Variants in TDRD3 observed in about 807,000 individuals in gnomAD.
The protein encoded by TDRD3 is tudor domain containing 3.
A neutral mutation model predicts 86.7 loss-of-function variants in TDRD3; 45 were observed. The ratio of observed to expected loss-of-function variants is 0.52; its 90% CI spans 0.41 to 0.67. The LOEUF is 0.67. TDRD3 is among the 30% of genes least tolerant of loss of function. The pLI is 0.00. For missense variants in TDRD3, 814 were observed against 889.0 expected (o/e 0.92, Z 1.07); for synonymous variants, 298 against 301.7 (o/e 0.99, Z 0.13).
chr13:60,449,874 C>G (rs994503500), intron 3 of TDRD3, among the ~76,000 whole-genome samples: 1 of 151,994 alleles, frequency 6.6e-6, no homozygotes. Context: ...ACTCCCTTCC[C>G]TAAAGCTATT....
rs963338510 is a variant in TDRD3, at chr13:60,441,523, T to C, written c.126+1751T>C. Among the ~76,000 whole-genome samples the C allele has an allele frequency of 2.0e-5, 3 of 152,330 alleles. No homozygotes were observed. In the East Asian group the frequency reaches 5.8e-4, roughly 29 times the overall value. The stretch of plus-strand genomic sequence containing the variant: ...ACCATTTTGATTAGGGTGAAGCCTA[T>C]ACCAGACAAATCATCTATTTTTCCA... On this transcript the variant is annotated intron_variant, in intron 2 of 13. Coordinates refer to ENST00000377881, the MANE Select transcript of TDRD3 (RefSeq NM_001146070.2).
intron 7 of TDRD3, among the ~76,000 whole-genome samples, chr13:60,490,744 A>T (rs1956568456): frequency 6.6e-6 from 1 of 152,126 alleles, no homozygotes; most frequent in African/African-American, 2.4e-5. Flanking sequence ...GGTAGTGCAG[A>T]GTGGTCAGAT....
intron 1 of TDRD3, among the ~76,000 whole-genome samples, chr13:60,429,013 T>A (rs1193586206): frequency 6.6e-6 from 1 of 152,202 alleles, no homozygotes; most frequent in East Asian, 1.9e-4. Flanking sequence ...GCAGCATTTC[T>A]ATTTCAAAAA....
At chr13:60,563,865 C>T (rs949775858) in intron 12 of TDRD3, among the ~76,000 whole-genome samples, 1 of 152,138 alleles carries the variant, frequency 6.6e-6, no homozygotes, top group African/African-American at 2.4e-5. Context: ...TGTTCTCACT[C>T]CAGATACAGT....
At position 60,534,651 on chromosome 13, in the gene TDRD3, C is replaced by T. The variant is rs555088764; in HGVS notation, c.1993-457C>T. The stretch of plus-strand genomic sequence containing the variant: ...TAGTATATAAGAATTGTTGGCTGGG[C>T]GCAGTGGCTCACACCTTTTATCCCA... On this transcript the variant is annotated intron_variant, in intron 11 of 13. Coordinates refer to ENST00000377881, the MANE Select transcript of TDRD3 (RefSeq NM_001146070.2). Among the ~76,000 whole-genome samples, 7 of 151,868 alleles carry T rather than the reference C, an allele frequency of 4.6e-5. No homozygotes were observed. The South Asian group carries it at 8.3e-4, about 18-fold the overall frequency.
rs918414837 is a variant in TDRD3, at chr13:60,476,649, G to A, written c.496-7126G>A. On this transcript the variant is annotated intron_variant, in intron 5 of 13. Coordinates refer to ENST00000377881, the MANE Select transcript of TDRD3 (RefSeq NM_001146070.2). ...TTGAATCTCTAAATGGCTTTGGATA[G>A]TGTGACCATTTTAATGATATTGGTT... Among the ~76,000 whole-genome samples, 9 of 152,108 alleles carry A rather than the reference G, an allele frequency of 5.9e-5. No individual in the cohort carries two copies. The East Asian group carries it at 1.7e-3, about 29-fold the overall frequency.
At chr13:60,414,296 C>T (rs1954439458) in intron 1 of TDRD3, among the ~76,000 whole-genome samples, 1 of 152,088 alleles carries the variant, frequency 6.6e-6, no homozygotes, top group African/African-American at 2.4e-5. Context: ...TGGGCCAAAT[C>T]TGGCCTGCTA....
intron 8 of TDRD3, among the ~76,000 whole-genome samples, chr13:60,506,787 C>T (rs1410959746): frequency 6.6e-6 from 1 of 152,090 alleles, no homozygotes; most frequent in African/African-American, 2.4e-5. Flanking sequence ...TATGAAGAAA[C>T]TGCATCAGCT....
In TDRD3 at chr13:60,485,878, C is replaced by T. The variant is rs1956423754; in HGVS notation, c.647C>T (p.Pro216Leu). Residue 216 changes from proline (P) to leucine (L), a missense_variant, in exon 7 of 14, where the codon CCT becomes CTT. Coordinates refer to ENST00000377881, the MANE Select transcript of TDRD3 (RefSeq NM_001146070.2). ...KTLQVTMPVK[P>L]TNDNDEFEKQ... Reference sequence around the variant, plus strand: ...TTGCAAGTTACAATGCCTGTCAAACCTACAAATGATAATGATGAATTTGAA... The same window carrying T: ...TTGCAAGTTACAATGCCTGTCAAACTTACAAATGATAATGATGAATTTGAA... 6.2e-7 allele frequency: 1 copy of T among 1,610,704 alleles called. No individual in the cohort carries two copies. Among genetic ancestry groups the T allele is most frequent in the Non-Finnish European group, 8.5e-7 (1 of 1,178,506 alleles).
intron 8 of TDRD3, among the ~76,000 whole-genome samples, chr13:60,496,161 G>A (rs965884550): frequency 6.6e-6 from 1 of 151,146 alleles, no homozygotes; most frequent in South Asian, 2.1e-4. Flanking sequence ...TCCTGTGCTG[G>A]ATGCTTCCTA....
chr13:60,528,334 T>C (rs753507805), intron 10 of TDRD3, 33 bp from the exon 11 acceptor site: 1 of 1,542,078 alleles, frequency 6.5e-7, no homozygotes, highest in African/African-American at 1.4e-5. Context: ...AGTCTTCATC[T>C]TAATTTGCAT....
In TDRD3 at chr13:60,528,641, A is replaced by T; in HGVS notation, c.1416A>T (p.Arg472Ser). Reference protein sequence around the residue: ...VWAEDRIKCDRPYSRYDRTKD... With the variant: ...VWAEDRIKCDSPYSRYDRTKD... Reference sequence around the variant, plus strand: ...CTGAAGACAGAATCAAATGTGATAGACCGTATTCTAGATATGACAGAACTA... The same window carrying T: ...CTGAAGACAGAATCAAATGTGATAGTCCGTATTCTAGATATGACAGAACTA... Residue 472 changes from arginine (R) to serine (S), a missense_variant, in exon 11 of 14, where the codon AGA becomes AGT. Arg to Ser is a moderately radical substitution (Grantham distance 110, BLOSUM62 -1). Transcript: ENST00000377881. The T allele has an allele frequency of 6.2e-7, 1 of 1,613,988 alleles. No homozygotes were observed. Among genetic ancestry groups the T allele is most frequent in the Non-Finnish European group, 8.5e-7 (1 of 1,179,922 alleles).
At chr13:60,484,692 G>C (rs1299532989) in intron 6 of TDRD3, 3 of 449,410 alleles carry the variant, frequency 6.7e-6, no homozygotes, top group Non-Finnish European at 1.3e-5. Context: ...TTTTTACTGA[G>C]TTTGGAAGAA....
intron 2 of TDRD3, among the ~76,000 whole-genome samples, chr13:60,441,792 A>G (rs1004678976): frequency 3.3e-5 from 5 of 152,152 alleles, no homozygotes; most frequent in Middle Eastern, 3.2e-3. Flanking sequence ...TTATCTGACA[A>G]TGAACACTGC....
intron 11 of TDRD3, among the ~76,000 whole-genome samples, chr13:60,531,888 A>G (rs975901637): frequency 1.3e-5 from 2 of 152,198 alleles, no homozygotes; most frequent in African/African-American, 4.8e-5. Context: ...AAAAAAGAAT[A>G]GGCCTACAGA....
intron 1 of TDRD3, among the ~76,000 whole-genome samples, chr13:60,415,631 G>A (rs991531312): frequency 5.3e-5 from 8 of 152,070 alleles, no homozygotes; most frequent in Non-Finnish European, 5.9e-5. Context: ...TAATTTTTCT[G>A]TAAAACATGA....
intron 1 of TDRD3, among the ~76,000 whole-genome samples, chr13:60,424,336 A>C (rs528489231): frequency 6.6e-6 from 1 of 151,912 alleles, no homozygotes; most frequent in African/African-American, 2.4e-5. Flanking sequence ...TTTTTAAAAA[A>C]CAACTTTATT....
At chr13:60,477,703 T>G (rs1351082421) in intron 5 of TDRD3, among the ~76,000 whole-genome samples, 1 of 152,226 alleles carries the variant, frequency 6.6e-6, no homozygotes, top group Non-Finnish European at 1.5e-5. Flanking sequence ...GAACCAACAT[T>G]GCATCCCAGG....
intron 12 of TDRD3, among the ~76,000 whole-genome samples, chr13:60,545,953 CTA>C (rs1292501662): frequency 4.0e-5 from 6 of 151,882 alleles, no homozygotes; most frequent in African/African-American, 1.4e-4. Context: ...ATTTTGTTTT[CTA>C]TGTGTTTACC....
Sources: gnomAD v4.1 joint callset for allele counts (sites outside exome capture counted in the v4.1 genomes callset) on GRCh38, gnomAD v4.1.1 for gene constraint, MANE v1.5 for transcripts, NCBI Gene and HGNC (gene_info 2026-07-23, HGNC 2026-07-21) for gene names.